Variants in IKBKB-DT observed in about 807,000 individuals in gnomAD.
IKBKB-DT encodes IKBKB antisense RNA.
At chr8:42,248,990 T>G (rs899798338) in intron 3 of IKBKB-DT, 1 of 152,212 alleles carries the variant, frequency 6.6e-6, no homozygotes, top group Non-Finnish European at 1.5e-5. Context: ...CAAGCATTCT[T>G]TTACACTGGT....
intron 3 of IKBKB-DT, among the ~76,000 whole-genome samples, chr8:42,261,507 T>G (rs1012774701): frequency 6.6e-6 from 1 of 152,180 alleles, no homozygotes; most frequent in African/African-American, 2.4e-5. Context: ...AGCCATAAAA[T>G]GCCATACACC....
At chr8:42,268,757 TG>T (rs1333030249) in intron 1 of IKBKB-DT, among the ~76,000 whole-genome samples, 4 of 145,832 alleles carry the variant, frequency 2.7e-5, no homozygotes, top group Non-Finnish European at 4.5e-5. Context: ...CGTAGAGACG[TG>T]GTTTCACCAT....
intron 3 of IKBKB-DT, among the ~76,000 whole-genome samples, chr8:42,243,295 A>G (rs1245250266): frequency 6.6e-6 from 1 of 152,242 alleles, no homozygotes; most frequent in East Asian, 1.9e-4. Context: ...TGGAGCATCT[A>G]AGCACAGAGT....
chr8:42,255,102 T>C (rs1807181087), intron 3 of IKBKB-DT, among the ~76,000 whole-genome samples: 1 of 151,114 alleles, frequency 6.6e-6, no homozygotes, highest in Non-Finnish European at 1.5e-5. Context: ...GTCTGGGAAG[T>C]GAGGAGCACC....
intron 3 of IKBKB-DT, among the ~76,000 whole-genome samples, chr8:42,252,198 C>T (rs756699311): frequency 6.6e-6 from 1 of 152,168 alleles, no homozygotes; most frequent in Non-Finnish European, 1.5e-5. Flanking sequence ...GGTGGGATGG[C>T]CAGCTTCTTC....
At chr8:42,239,667 T>C (rs10112567) in intron 3 of IKBKB-DT, among the ~76,000 whole-genome samples, 10,891 of 133,218 alleles carry the variant, frequency 0.082, 910 homozygotes, top group African/African-American at 0.18. Flanking sequence ...TTTTTTGAGA[T>C]GGAGTTTTGC....
intron 3 of IKBKB-DT, among the ~76,000 whole-genome samples, chr8:42,239,614 T>TTTTTTATATATATATATATATATATA (rs1554502579): frequency 1.5e-4 from 3 of 19,910 alleles, no homozygotes; most frequent in African/African-American, 1.4e-4. Flanking sequence ...AAAAGGCAAT[T>TTTTTTATATATATATATATATATATA]TATATATATA....
At chr8:42,243,358 G>A (rs1807026908) in intron 3 of IKBKB-DT, among the ~76,000 whole-genome samples, 1 of 152,122 alleles carries the variant, frequency 6.6e-6, no homozygotes, top group Non-Finnish European at 1.5e-5. Context: ...GACTATTATT[G>A]CATTTCTAAA....
At chr8:42,268,259 C>G (rs530670369) in intron 1 of IKBKB-DT, among the ~76,000 whole-genome samples, 2 of 151,686 alleles carry the variant, frequency 1.3e-5, no homozygotes, top group African/African-American at 2.4e-5. Context: ...CTCAGCCTCC[C>G]GAGTAGCTTG....
At chr8:42,237,037 A>T (rs904412508) in intron 3 of IKBKB-DT, among the ~76,000 whole-genome samples, 10 of 151,772 alleles carry the variant, frequency 6.6e-5, no homozygotes, top group Non-Finnish European at 1.3e-4. Context: ...TTGTTTTTTT[A>T]AAAAACACCC....
At chr8:42,239,632 ATATTTATT>A (rs774065371) in intron 3 of IKBKB-DT, among the ~76,000 whole-genome samples, 27 of 86,938 alleles carry the variant, frequency 3.1e-4, no homozygotes, top group South Asian at 7.6e-4. Flanking sequence ...ATATATATAT[ATATTTATT>A]TATTTATTCA....
chr8:42,241,874 T>C (rs16891144), intron 3 of IKBKB-DT, among the ~76,000 whole-genome samples: 5,515 of 152,152 alleles, frequency 0.036, 337 homozygotes, highest in African/African-American at 0.13. Flanking sequence ...GTCGAACTAA[T>C]ATTAGAGGAG....
At chr8:42,246,119 G>A (rs1438908948) in intron 3 of IKBKB-DT, among the ~76,000 whole-genome samples, 1 of 152,128 alleles carries the variant, frequency 6.6e-6, no homozygotes, top group Non-Finnish European at 1.5e-5. Context: ...TCACTGCAGC[G>A]TCAACCTCCC....
intron 3 of IKBKB-DT, among the ~76,000 whole-genome samples, chr8:42,243,624 T>C (rs1396343013): frequency 6.6e-6 from 1 of 152,186 alleles, no homozygotes; most frequent in Admixed American, 6.6e-5. Context: ...GTGCTACTGC[T>C]TATAGCACTC....
chr8:42,235,147 CT>C lies in IKBKB-DT; in HGVS notation n.1530-1289del, dbSNP rs752996152. Among the ~76,000 whole-genome samples, 65 of 113,662 alleles carry C rather than the reference CT, an allele frequency of 5.7e-4. 2 individuals carry two copies. The East Asian group carries it at 0.012, about 21-fold the overall frequency. 74.6% of individuals were successfully genotyped at this position (113,662 alleles called of 152,430 possible). ...TGGCCTTTTGATGTCAATTTTTTTT[CT>C]TTTTTTTTTCTAACTCTTTTTACTG... On this transcript the variant is annotated intron_variant and non_coding_transcript_variant, in intron 3 of 3. Coordinates refer to ENST00000518213, the Ensembl canonical transcript of IKBKB-DT.
intron 1 of IKBKB-DT, among the ~76,000 whole-genome samples, chr8:42,268,445 A>T (rs1807406363): frequency 6.6e-6 from 1 of 150,704 alleles, no homozygotes; most frequent in Non-Finnish European, 1.5e-5. Flanking sequence ...TAATTTTTGT[A>T]TTTTTAGTAG....
chr8:42,249,845 G>A (rs998462372), intron 3 of IKBKB-DT, among the ~76,000 whole-genome samples: 2 of 152,060 alleles, frequency 1.3e-5, no homozygotes, highest in Admixed American at 6.6e-5. Context: ...GGGAGGTGGA[G>A]GTAGGAGGAT....
chr8:42,265,165 T>C (rs1807353964), intron 2 of IKBKB-DT, among the ~76,000 whole-genome samples: 2 of 152,114 alleles, frequency 1.3e-5, no homozygotes, highest in Non-Finnish European at 2.9e-5. Flanking sequence ...GCCCAGCCCA[T>C]TTTATTTTCT....
chr8:42,265,148 C>T (rs1310955250), intron 2 of IKBKB-DT, among the ~76,000 whole-genome samples: 2 of 152,204 alleles, frequency 1.3e-5, no homozygotes, highest in Non-Finnish European at 2.9e-5. Flanking sequence ...CAGGCGTGAG[C>T]CATCGTGCCC....
Sources: gnomAD v4.1 joint callset for allele counts (sites outside exome capture counted in the v4.1 genomes callset) on GRCh38, gnomAD v4.1.1 for gene constraint, MANE v1.5 for transcripts, NCBI Gene and HGNC (gene_info 2026-07-23, HGNC 2026-07-21) for gene names.